Variants in SLC24A2 observed in about 807,000 individuals in gnomAD.
The protein encoded by SLC24A2 is sodium/potassium/calcium exchanger 2.
SLC24A2 carries 36 observed loss-of-function variants against 62.0 expected under a neutral mutation model. The observed-to-expected ratio is 0.58, with a 90% CI of 0.44 to 0.77. SLC24A2 has a LOEUF of 0.77. SLC24A2 is among the 30% of genes least tolerant of loss of function. SLC24A2 has a pLI of 0.00. For synonymous variants in SLC24A2, 358 were observed against 294.0 expected (o/e 1.22, Z -2.23); for missense variants, 846 against 817.9 (o/e 1.03, Z -0.42).
chr9:19,973,636 G>T, the SLC24A2 span, among the ~76,000 whole-genome samples: 1 of 152,124 alleles, frequency 6.6e-6, no homozygotes, highest in Non-Finnish European at 1.5e-5. Flanking sequence ...ATAACTCACA[G>T]GATTTGGGGA....
chr9:19,854,638 TA>T, the SLC24A2 span, among the ~76,000 whole-genome samples: 1 of 152,142 alleles, frequency 6.6e-6, no homozygotes, highest in Non-Finnish European at 1.5e-5. Flanking sequence ...GTTCTAATTT[TA>T]TTGTGCTGTG....
chr9:19,689,830 ATTACT>A (rs561245325), intron 2 of SLC24A2, among the ~76,000 whole-genome samples: 123 of 152,226 alleles, frequency 8.1e-4, no homozygotes, highest in African/African-American at 2.1e-3. Context: ...CTGGTTAAAC[ATTACT>A]TCTGCGTGTG....
chr9:20,102,893 G>C, the SLC24A2 span, among the ~76,000 whole-genome samples: 24 of 152,006 alleles, frequency 1.6e-4, no homozygotes, highest in Admixed American at 1.6e-3. Flanking sequence ...GCAGAGCAAG[G>C]CATTGCCTCA....
chr9:19,713,003 T>C (rs894363731), intron 2 of SLC24A2, among the ~76,000 whole-genome samples: 3 of 152,172 alleles, frequency 2.0e-5, no homozygotes, highest in African/African-American at 7.2e-5. Context: ...TCTCACTTAA[T>C]TTAGTTCTGT....
the SLC24A2 span, among the ~76,000 whole-genome samples, chr9:19,841,870 T>C: frequency 6.6e-6 from 1 of 152,206 alleles, no homozygotes; most frequent in Non-Finnish European, 1.5e-5. Flanking sequence ...GCCACCCTAG[T>C]GCTTATTGGG....
the SLC24A2 span, among the ~76,000 whole-genome samples, chr9:20,051,368 G>A: frequency 2.0e-5 from 3 of 151,972 alleles, no homozygotes; most frequent in African/African-American, 7.3e-5. Flanking sequence ...ATTGACAGAA[G>A]TACAAGAAGA....
intron 2 of SLC24A2, among the ~76,000 whole-genome samples, chr9:19,666,894 A>G (rs1030362724): frequency 6.6e-6 from 1 of 152,224 alleles, no homozygotes; most frequent in African/African-American, 2.4e-5. Flanking sequence ...TGTTCCCACC[A>G]TGACAAGTGC....
the SLC24A2 span, among the ~76,000 whole-genome samples, chr9:20,262,674 C>A: frequency 1.3e-5 from 2 of 152,320 alleles, no homozygotes; most frequent in East Asian, 3.9e-4. Context: ...TGGGCACCAG[C>A]CTGTATAAAA....
intron 2 of SLC24A2, among the ~76,000 whole-genome samples, chr9:19,732,549 T>C (rs1587236779): frequency 6.6e-6 from 1 of 152,218 alleles, no homozygotes; most frequent in Non-Finnish European, 1.5e-5. Context: ...GCATAAATTG[T>C]AGAAAGATTC....
chr9:19,561,671 C>G (rs906636088), intron 7 of SLC24A2, among the ~76,000 whole-genome samples: 6 of 152,058 alleles, frequency 3.9e-5, no homozygotes, highest in African/African-American at 1.2e-4. Flanking sequence ...ACCTTGTGAT[C>G]CACCTGCCTC....
chr9:20,193,205 A>G, the SLC24A2 span, among the ~76,000 whole-genome samples: 3 of 152,160 alleles, frequency 2.0e-5, no homozygotes, highest in Admixed American at 2.0e-4. Context: ...GCATATACCA[A>G]TTAAGGTGAA....
chr9:19,972,640 T>G, the SLC24A2 span, among the ~76,000 whole-genome samples: 1 of 152,188 alleles, frequency 6.6e-6, no homozygotes, highest in Non-Finnish European at 1.5e-5. Context: ...AATTTTCTGC[T>G]TGTTGAATCT....
chr9:19,960,252 C>T, the SLC24A2 span, among the ~76,000 whole-genome samples: 1 of 152,130 alleles, frequency 6.6e-6, no homozygotes, highest in African/African-American at 2.4e-5. Flanking sequence ...TTTTACTGAG[C>T]AATGCTTACT....
chr9:20,077,892 C>T, the SLC24A2 span, among the ~76,000 whole-genome samples: 5 of 152,104 alleles, frequency 3.3e-5, no homozygotes, highest in Admixed American at 3.3e-4. Flanking sequence ...TAAAACATCC[C>T]TTCCCAAGTG....
At chr9:19,794,347 C>T in the SLC24A2 span, among the ~76,000 whole-genome samples, 4 of 152,084 alleles carry the variant, frequency 2.6e-5, no homozygotes, top group African/African-American at 9.7e-5. Flanking sequence ...TGAATTAATG[C>T]AGGAACAGAA....
chr9:19,988,347 C>G, the SLC24A2 span, among the ~76,000 whole-genome samples: 3 of 152,160 alleles, frequency 2.0e-5, no homozygotes, highest in African/African-American at 7.2e-5. Context: ...TATTGATTCC[C>G]TCTAGACCCA....
chr9:19,654,165 G>C (rs1351760320), intron 2 of SLC24A2, among the ~76,000 whole-genome samples: 2 of 152,106 alleles, frequency 1.3e-5, no homozygotes, highest in African/African-American at 4.8e-5. Context: ...ATATAGGATG[G>C]AAATCATACA....
chr9:19,546,537 C>T (rs1834582250), intron 8 of SLC24A2, among the ~76,000 whole-genome samples: 1 of 152,178 alleles, frequency 6.6e-6, no homozygotes, highest in African/African-American at 2.4e-5. Context: ...ACCCCTTCCC[C>T]CACCAAGCTT....
chr9:19,829,072 CT>C, the SLC24A2 span, among the ~76,000 whole-genome samples: 1 of 152,108 alleles, frequency 6.6e-6, no homozygotes, highest in Non-Finnish European at 1.5e-5. Context: ...GCTCGAACTC[CT>C]TTTGGTCTCT....
Sources: gnomAD v4.1 joint callset for allele counts (sites outside exome capture counted in the v4.1 genomes callset) on GRCh38, gnomAD v4.1.1 for gene constraint, MANE v1.5 for transcripts, NCBI Gene and HGNC (gene_info 2026-07-23, HGNC 2026-07-21) for gene names.